GALNTL6: variants seen among roughly 807,000 people sequenced by gnomAD.
GALNTL6 encodes the protein polypeptide N-acetylgalactosaminyltransferase-like 6.
A neutral mutation model predicts 73.7 loss-of-function variants in GALNTL6; 46 were observed. The observed-to-expected ratio is 0.62, with a 90% CI of 0.49 to 0.80. GALNTL6 has a LOEUF of 0.80. Among genes scored for constraint, GALNTL6 ranks in the 30% least tolerant of loss-of-function variants. The probability of loss-of-function intolerance (pLI) is 0.00; values close to 1 mark genes in which losing one functional copy is unlikely to be tolerated. For synonymous variants in GALNTL6, 259 were observed against 263.7 expected (o/e 0.98, Z 0.17); for missense variants, 604 against 755.0 (o/e 0.80, Z 2.34).
intron 3 of GALNTL6, among the ~76,000 whole-genome samples, chr4:172,241,845 A>C (rs1337319507): frequency 1.3e-5 from 2 of 152,136 alleles, no homozygotes; most frequent in African/African-American, 4.8e-5. Flanking sequence ...TTTTGTGAGA[A>C]TTTATTGACA....
chr4:171,850,175 C>T (rs568626912), intron 2 of GALNTL6, among the ~76,000 whole-genome samples: 2 of 152,242 alleles, frequency 1.3e-5, no homozygotes, highest in Non-Finnish European at 2.9e-5. Context: ...TTTCACCATG[C>T]TGGCCAGGCT....
In GALNTL6 at chr4:172,098,075, A is replaced by G. The variant is rs192739967; in HGVS notation, c.139-131581A>G. On this transcript the variant is annotated intron_variant, in intron 2 of 12. Transcript: ENST00000506823. ...TAGCAGTTGAATATCCATTATGTATAATAATCTGTATTAGAAAGCAAAACT... is the reference window on the plus strand; with the variant it reads ...TAGCAGTTGAATATCCATTATGTATGATAATCTGTATTAGAAAGCAAAACT... 2.3e-3 allele frequency among the ~76,000 whole-genome samples: 353 copies of G among 152,288 alleles called. 1 individual carries two copies. The highest frequency in any genetic ancestry group is 8.0e-3 in the African/African-American group (331 of 41,566).
chr4:172,276,212 A>C (rs933172879), intron 3 of GALNTL6, among the ~76,000 whole-genome samples: 2 of 152,184 alleles, frequency 1.3e-5, no homozygotes, highest in African/African-American at 4.8e-5. Flanking sequence ...TCCGAAGAAG[A>C]AACATGTACT....
At chr4:171,817,290 A>C (rs142341388) in intron 2 of GALNTL6, among the ~76,000 whole-genome samples, 3 of 152,174 alleles carry the variant, frequency 2.0e-5, no homozygotes, top group African/African-American at 7.2e-5. Flanking sequence ...TGGTCATAAG[A>C]GCTGAAAAAC....
chr4:172,328,255 C>T (rs1578959600), intron 4 of GALNTL6, among the ~76,000 whole-genome samples: 1 of 152,080 alleles, frequency 6.6e-6, no homozygotes, highest in African/African-American at 2.4e-5. Context: ...GCTGAGAGGT[C>T]TGCTGTTAAC....
intron 2 of GALNTL6, among the ~76,000 whole-genome samples, chr4:172,168,979 C>G (rs973972335): frequency 6.6e-6 from 1 of 152,158 alleles, no homozygotes; most frequent in African/African-American, 2.4e-5. Flanking sequence ...ATTTAGCAAA[C>G]AGAATGGCAT....
At chr4:173,018,124 G>C (rs1752856159) in intron 11 of GALNTL6, among the ~76,000 whole-genome samples, 1 of 152,176 alleles carries the variant, frequency 6.6e-6, no homozygotes, top group African/African-American at 2.4e-5. Flanking sequence ...AAGACCACTT[G>C]TTCCTGCATT....
chr4:171,945,246 T>C (rs1236949055), intron 2 of GALNTL6, among the ~76,000 whole-genome samples: 1 of 152,120 alleles, frequency 6.6e-6, no homozygotes, highest in Non-Finnish European at 1.5e-5. Flanking sequence ...CAGATGCTGG[T>C]AATATCATTG....
chr4:171,985,343 C>A (rs922561132), intron 2 of GALNTL6, among the ~76,000 whole-genome samples: 5 of 152,144 alleles, frequency 3.3e-5, no homozygotes, highest in Non-Finnish European at 7.3e-5. Context: ...TAAAGCCAAC[C>A]GATCTCATGA....
chr4:172,179,992 C>G (rs1439726687), intron 2 of GALNTL6, among the ~76,000 whole-genome samples: 1 of 152,192 alleles, frequency 6.6e-6, no homozygotes. Context: ...AATGGTATTT[C>G]TAGTTCTAGA....
chr4:172,282,895 G>A (rs1739113246), intron 3 of GALNTL6, among the ~76,000 whole-genome samples: 1 of 152,158 alleles, frequency 6.6e-6, no homozygotes, highest in Non-Finnish European at 1.5e-5. Context: ...CTGGCTGAGC[G>A]ATTTGGTGCA....
chr4:171,980,677 T>C (rs1344670101), intron 2 of GALNTL6, among the ~76,000 whole-genome samples: 1 of 152,326 alleles, frequency 6.6e-6, no homozygotes, highest in East Asian at 1.9e-4. Context: ...GTGTTCTTGT[T>C]CGTCGAAGTA....
intron 2 of GALNTL6, among the ~76,000 whole-genome samples, chr4:172,030,683 C>T (rs542829213): frequency 1.3e-5 from 2 of 152,058 alleles, no homozygotes; most frequent in East Asian, 3.9e-4. Flanking sequence ...GTACTCTAGC[C>T]TGGGCCACAC....
At chr4:172,735,024 G>T (rs763222716) in intron 5 of GALNTL6, among the ~76,000 whole-genome samples, 51 of 152,184 alleles carry the variant, frequency 3.4e-4, no homozygotes, top group Non-Finnish European at 3.4e-4. Flanking sequence ...CTCTGCTATG[G>T]CAGTGCAGAA....
intron 5 of GALNTL6, among the ~76,000 whole-genome samples, chr4:172,776,686 C>T (rs968466393): frequency 6.6e-6 from 1 of 152,076 alleles, no homozygotes; most frequent in South Asian, 2.1e-4. Context: ...AAAAATGTCA[C>T]GCAAGAGAAA....
chr4:171,949,086 A>G (rs544883795), intron 2 of GALNTL6, among the ~76,000 whole-genome samples: 27 of 152,214 alleles, frequency 1.8e-4, no homozygotes, highest in East Asian at 5.8e-4. Context: ...AAAGTGACCC[A>G]AAGAGTCCTG....
chr4:172,595,625 G>T (rs1443057745), intron 5 of GALNTL6, among the ~76,000 whole-genome samples: 2 of 152,182 alleles, frequency 1.3e-5, no homozygotes, highest in Admixed American at 6.5e-5. Context: ...TGAGGGGAAG[G>T]TAACAAAGTG....
chr4:172,774,698 A>G (rs7679802), intron 5 of GALNTL6, among the ~76,000 whole-genome samples: 78,869 of 151,896 alleles, frequency 0.52, 21,320 homozygotes, highest in East Asian at 0.78. Flanking sequence ...TGTGGCTCAC[A>G]CCTGCAATCC....
chr4:172,473,934 A>C (rs1191391981), intron 5 of GALNTL6, among the ~76,000 whole-genome samples: 2 of 152,246 alleles, frequency 1.3e-5, no homozygotes, highest in African/African-American at 4.8e-5. Context: ...TTAAAACCTA[A>C]AAGCTGGATC....
Sources: gnomAD v4.1 joint callset for allele counts (sites outside exome capture counted in the v4.1 genomes callset) on GRCh38, gnomAD v4.1.1 for gene constraint, MANE v1.5 for transcripts, NCBI Gene and HGNC (gene_info 2026-07-23, HGNC 2026-07-21) for gene names.